Variants in SPPL3 observed in about 807,000 individuals in gnomAD.
SPPL3 encodes signal peptide peptidase-like 3.
A neutral mutation model predicts 42.4 loss-of-function variants in SPPL3; 5 were observed. That is an observed-to-expected ratio of 0.12 (90% CI 0.06 to 0.25). SPPL3 has a LOEUF of 0.25. Among genes scored for constraint, SPPL3 ranks in the 10% least tolerant of loss-of-function variants. SPPL3 has a pLI of 1.00. For synonymous variants in SPPL3, 195 were observed against 181.8 expected (o/e 1.07, Z -0.58); for missense variants, 235 against 489.0 (o/e 0.48, Z 4.90).
chr12:120,801,498 A>G (rs1015675088), intron 2 of SPPL3, among the ~76,000 whole-genome samples: 3 of 152,098 alleles, frequency 2.0e-5, no homozygotes, highest in African/African-American at 7.2e-5. Flanking sequence ...TTTTCTATTA[A>G]TCTGCTATTT....
At chr12:120,777,399 G>C (rs746199285) in intron 6 of SPPL3, among the ~76,000 whole-genome samples, 83 of 152,278 alleles carry the variant, frequency 5.5e-4, no homozygotes, top group Admixed American at 1.1e-3. Context: ...TTTTACTAAA[G>C]TTTTTCAGAA....
At chr12:120,876,891 C>CA in intron 1 of SPPL3, among the ~76,000 whole-genome samples, 1 of 148,256 alleles carries the variant, frequency 6.7e-6, no homozygotes, top group Admixed American at 6.7e-5. Flanking sequence ...GTGCAGACAT[C>CA]AAAAAAATGG....
intron 6 of SPPL3, among the ~76,000 whole-genome samples, chr12:120,771,314 ACT>A (rs1869112078): frequency 6.6e-6 from 1 of 151,462 alleles, no homozygotes; most frequent in Non-Finnish European, 1.5e-5. Flanking sequence ...CAGCCTCCTC[ACT>A]CTACCCCCCA....
intron 1 of SPPL3, among the ~76,000 whole-genome samples, chr12:120,819,079 A>C (rs1230405041): frequency 6.6e-6 from 1 of 152,222 alleles, no homozygotes; most frequent in Non-Finnish European, 1.5e-5. Context: ...CTTTACACAG[A>C]TGGATAGTTG....
In SPPL3 at chr12:120,789,459, A is replaced by AAAAAAAAAAG. The variant is rs1555248021; in HGVS notation, c.190+2009_190+2010insCTTTTTTTTT. Among the ~76,000 whole-genome samples the AAAAAAAAAAG allele has an allele frequency of 1.9e-4, 28 of 151,106 alleles. 1 individual carries two copies. The highest frequency in any genetic ancestry group is 5.8e-4 in the African/African-American group (24 of 41,174). ...ACAGTGAGACTCTGTCTCAAAAAAA[A>AAAAAAAAAAG]AAAGAAAAAAAGCATTTAAAAAAGA... On this transcript the variant is annotated intron_variant, in intron 3 of 10. Coordinates refer to ENST00000353487, the MANE Select transcript of SPPL3 (RefSeq NM_139015.5).
chr12:120,771,737 A>G (rs633084), intron 6 of SPPL3, among the ~76,000 whole-genome samples: 121,204 of 151,986 alleles, frequency 0.8, 48,924 homozygotes, highest in African/African-American at 0.91. Flanking sequence ...AGCTGTTGAG[A>G]AACTCTTCAT....
rs564958713 is a variant in SPPL3, at chr12:120,774,822, A to G, written c.503-5763T>C. On this transcript the variant is annotated intron_variant, in intron 6 of 10. Transcript: ENST00000353487. ...GGTGCTCTCTTTCCCTTGCGGCTTT[A>G]GACACTCCTGAGACTCTCTCTTATA... 7.2e-4 allele frequency among the ~76,000 whole-genome samples: 110 copies of G among 152,226 alleles called. 1 individual carries two copies. Among genetic ancestry groups the G allele is most frequent in the East Asian group, 1.9e-3 (10 of 5,178 alleles).
intron 1 of SPPL3, among the ~76,000 whole-genome samples, chr12:120,902,626 C>T (rs1236554342): frequency 6.6e-6 from 1 of 152,158 alleles, no homozygotes; most frequent in Non-Finnish European, 1.5e-5. Context: ...TGGTGGCAAA[C>T]CGGACCTCCG....
intron 1 of SPPL3, among the ~76,000 whole-genome samples, chr12:120,885,592 T>C (rs546889163): frequency 5.0e-4 from 76 of 152,290 alleles, no homozygotes; most frequent in Non-Finnish European, 8.5e-4. Flanking sequence ...TATCTAAACA[T>C]GCAAGTGCCC....
At chr12:120,817,531 T>C (rs3861797) in intron 1 of SPPL3, among the ~76,000 whole-genome samples, 62,526 of 151,996 alleles carry the variant, frequency 0.41, 14,458 homozygotes, top group Admixed American at 0.56. Context: ...AGTAGACATA[T>C]ATGAAGGTAA....
intron 1 of SPPL3, among the ~76,000 whole-genome samples, chr12:120,882,060 C>T (rs1873302753): frequency 6.6e-6 from 1 of 152,052 alleles, no homozygotes; most frequent in Admixed American, 6.6e-5. Context: ...GTGGACCATT[C>T]TGAGTAGTAT....
intron 1 of SPPL3, among the ~76,000 whole-genome samples, chr12:120,894,264 C>T (rs1420437278): frequency 2.0e-5 from 3 of 152,154 alleles, no homozygotes; most frequent in Non-Finnish European, 4.4e-5. Flanking sequence ...GCAGAGGTTG[C>T]GGTGAGCCAA....
chr12:120,845,823 C>A (rs1447464702), intron 1 of SPPL3, among the ~76,000 whole-genome samples: 1 of 152,020 alleles, frequency 6.6e-6, no homozygotes, highest in Non-Finnish European at 1.5e-5. Context: ...AATTTCAGAG[C>A]CACCCCAATT....
In SPPL3 at chr12:120,876,808, TACACACACACACACACAC is replaced by T. The variant is rs71076677; in HGVS notation, c.23+27019_23+27036del. The stretch of plus-strand genomic sequence containing the variant: ...CTAAGCTTCTACCTTGAGAAACACA[TACACACACACACACACAC>T]ACACACACACACACACAAATTAAAT... On this transcript the variant is annotated intron_variant, in intron 1 of 10. Coordinates refer to ENST00000353487, the MANE Select transcript of SPPL3 (RefSeq NM_139015.5). Among the ~76,000 whole-genome samples the T allele has an allele frequency of 1.0e-3, 147 of 146,694 alleles. 2 individuals carry two copies. Among genetic ancestry groups the T allele is most frequent in the African/African-American group, 2.5e-3 (100 of 39,994 alleles).
Position 120,764,987 on chromosome 12 carries a change from C to CCA in SPPL3, c.*10_*11dup. 6.2e-7 allele frequency: 1 copy of CCA among 1,613,566 alleles called. No individual in the cohort carries two copies. The highest frequency in any genetic ancestry group is 1.1e-5 in the South Asian group (1 of 90,920). Reference sequence around the variant, plus strand: ...ACTATGACGGCCATCTGGTCACTTTCCACGTGATCCATCATACTTCCAGGA... The same window carrying CCA: ...ACTATGACGGCCATCTGGTCACTTTCCACACGTGATCCATCATACTTCCAGGA... On this transcript the variant is annotated 3_prime_UTR_variant, in exon 11 of 11. Transcript: ENST00000353487.
chr12:120,851,867 G>C lies in SPPL3; in HGVS notation c.24-40981C>G, dbSNP rs189039979. On this transcript the variant is annotated intron_variant, in intron 1 of 10. Coordinates refer to ENST00000353487, the MANE Select transcript of SPPL3 (RefSeq NM_139015.5). The stretch of plus-strand genomic sequence containing the variant: ...GATCTGCCCGCCTCAGCCTCCCAAA[G>C]TGCTGGGATTACAGGCGTGAGCCAC... Among the ~76,000 whole-genome samples, 6 of 152,270 alleles carry C rather than the reference G, an allele frequency of 3.9e-5. No individual in the cohort carries two copies. In the East Asian group the frequency reaches 1.2e-3, roughly 29 times the overall value.
chr12:120,870,172 G>A (rs1307227304), intron 1 of SPPL3, among the ~76,000 whole-genome samples: 2 of 152,310 alleles, frequency 1.3e-5, no homozygotes, highest in East Asian at 3.9e-4. Context: ...AGGGCCAAGT[G>A]CAGTGGCTCA....
At chr12:120,805,296 C>A (rs1870451160) in intron 2 of SPPL3, among the ~76,000 whole-genome samples, 1 of 152,148 alleles carries the variant, frequency 6.6e-6, no homozygotes, top group African/African-American at 2.4e-5. Context: ...AGGATCAACT[C>A]AATAGAAGCA....
chr12:120,779,820 CAAAAAA>C (rs1164272443), intron 6 of SPPL3, among the ~76,000 whole-genome samples: 869 of 42,774 alleles, frequency 0.02, 6 homozygotes, highest in African/African-American at 0.064. Context: ...ACTAAAAATA[CAAAAAA>C]AAAAAAAAAA....
Sources: allele counts gnomAD v4.1 joint callset (sites outside exome capture counted in the v4.1 genomes callset), GRCh38; gene constraint gnomAD v4.1.1; transcripts MANE v1.5; gene names NCBI Gene and HGNC (gene_info 2026-07-23, HGNC 2026-07-21).